MATN2: variants seen among roughly 807,000 people sequenced by gnomAD.
MATN2 encodes the protein matrilin 2.
In MATN2, 69 loss-of-function variants were observed where a neutral mutation model predicts 103.2. That is an observed-to-expected ratio of 0.67 (90% confidence interval 0.55 to 0.82). The LOEUF is 0.82. Ranked by LOEUF, MATN2 falls within the 40% of genes least tolerant of loss-of-function variation. The probability of loss-of-function intolerance (pLI) is 0.00; values close to 1 mark genes in which losing one functional copy is unlikely to be tolerated. For missense variants in MATN2, 1,023 were observed against 1,211.5 expected, an observed-to-expected ratio of 0.84 and a Z score of 2.31; for synonymous variants, 429 against 450.2, an observed-to-expected ratio of 0.95 and a Z score of 0.60.
chr8:97,871,638 A>G (rs908663847), intron 1 of MATN2, among the ~76,000 whole-genome samples: 2 of 152,194 alleles, frequency 1.3e-5, no homozygotes, highest in African/African-American at 4.8e-5. Flanking sequence ...AGCATATGCC[A>G]AGGGGAGAAT....
chr8:97,992,704 C>T (rs1292778649), intron 6 of MATN2, among the ~76,000 whole-genome samples: 1 of 142,822 alleles, frequency 7.0e-6, no homozygotes, highest in Non-Finnish European at 1.5e-5. Flanking sequence ...CAAGATTGCG[C>T]CACTGCACTC....
intron 2 of MATN2, among the ~76,000 whole-genome samples, chr8:97,896,007 T>C (rs1449215640): frequency 6.6e-6 from 1 of 152,190 alleles, no homozygotes; most frequent in Non-Finnish European, 1.5e-5. Context: ...CCCTGCTTGC[T>C]CCTTGACCCA....
At chr8:97,978,170 C>A (rs540619622) in intron 5 of MATN2, among the ~76,000 whole-genome samples, 1 of 152,110 alleles carries the variant, frequency 6.6e-6, no homozygotes, top group Non-Finnish European at 1.5e-5. Context: ...GGACCTGGCC[C>A]GTAGTAGGTA....
rs549033425 is a variant in MATN2 at position 97,955,906 on chromosome 8, C to T, written c.836-5502C>T. Among the ~76,000 whole-genome samples, 4 of 152,356 alleles carry T rather than the reference C, an allele frequency of 2.6e-5. No individual in the cohort carries two copies. The East Asian group carries it at 7.7e-4, about 29-fold the overall frequency. ...CACACAGGTTCCCTAACTGTCATGACAGCTTTTCTGGTGTCCATAGCTGGG... is the reference window on the plus strand; with the variant it reads ...CACACAGGTTCCCTAACTGTCATGATAGCTTTTCTGGTGTCCATAGCTGGG... On this transcript the variant is annotated intron_variant, in intron 4 of 18. Transcript: ENST00000254898.
At chr8:98,029,166 T>C (rs911017779) in intron 14 of MATN2, among the ~76,000 whole-genome samples, 1 of 152,236 alleles carries the variant, frequency 6.6e-6, no homozygotes, top group Non-Finnish European at 1.5e-5. Flanking sequence ...GGTCATTTTA[T>C]TGATACTGCG....
intron 7 of MATN2, 25 bp from the exon 8 acceptor site, chr8:98,003,636 G>C: frequency 6.2e-7 from 1 of 1,613,242 alleles, no homozygotes; most frequent in South Asian, 1.1e-5. Context: ...GAGTCTGAAG[G>C]AAGGTCTGCC....
At chr8:97,961,085 A>G (rs62523560) in intron 4 of MATN2, among the ~76,000 whole-genome samples, 34,540 of 152,026 alleles carry the variant, frequency 0.23, 4,771 homozygotes, top group African/African-American at 0.38. Context: ...ATAGTGCTGG[A>G]ATTACAGGCG....
At position 97,925,535 on chromosome 8, in the gene MATN2, A is replaced by G. The variant is rs148958501; in HGVS notation, c.143-5418A>G. ...TTTCTAAGGTGTGTGTGAAGAATAA[A>G]CAAGCCAACACCTGTAAACCATTCA... is the stretch of plus-strand genomic sequence containing the variant. On this transcript the variant is annotated intron_variant, in intron 2 of 18. Coordinates refer to ENST00000254898, the MANE Select transcript of MATN2 (RefSeq NM_002380.5). 3.7e-3 allele frequency among the ~76,000 whole-genome samples: 566 copies of G among 152,324 alleles called. 5 individuals are homozygous for G. The highest frequency in any genetic ancestry group is 0.013 in the African/African-American group (531 of 41,560).
intron 14 of MATN2, among the ~76,000 whole-genome samples, chr8:98,029,866 C>T (rs1363037531): frequency 1.3e-5 from 2 of 152,156 alleles, no homozygotes; most frequent in African/African-American, 2.4e-5. Context: ...TTAAAGCAAA[C>T]GCATATCCCT....
intron 6 of MATN2, among the ~76,000 whole-genome samples, chr8:97,991,829 A>G (rs1273047819): frequency 6.6e-6 from 1 of 152,144 alleles, no homozygotes; most frequent in East Asian, 1.9e-4. Context: ...TTCACAAAGC[A>G]TTGGGATTAC....
rs1315039084 is a variant in MATN2, at chr8:97,961,246, TTA to T, written c.836-160_836-159del. Among the ~76,000 whole-genome samples, 7 of 152,344 alleles carry T rather than the reference TTA, an allele frequency of 4.6e-5. 1 individual carries two copies. Among genetic ancestry groups the T allele is most frequent in the Admixed American group, 4.6e-4 (7 of 15,304 alleles). On this transcript the variant is annotated intron_variant, in intron 4 of 18. Coordinates refer to ENST00000254898, the MANE Select transcript of MATN2 (RefSeq NM_002380.5). ...GGTGAATTTTCTTTTATCTATTTTTTTATGTTTTCCAAATTTTCTACTATGAT... is the reference window on the plus strand; with the variant it reads ...GGTGAATTTTCTTTTATCTATTTTTTTGTTTTCCAAATTTTCTACTATGAT...
At chr8:97,908,526 T>A (rs1018334590) in intron 2 of MATN2, among the ~76,000 whole-genome samples, 1 of 152,248 alleles carries the variant, frequency 6.6e-6, no homozygotes, top group Non-Finnish European at 1.5e-5. Flanking sequence ...GTATACTGAA[T>A]GAATGAGTGA....
intron 5 of MATN2, among the ~76,000 whole-genome samples, chr8:97,975,322 A>G (rs1349345788): frequency 6.6e-6 from 1 of 152,200 alleles, no homozygotes; most frequent in Non-Finnish European, 1.5e-5. Context: ...TGGATACTCT[A>G]TTCTATAACA....
chr8:98,019,740 G>C (rs1813515323), intron 12 of MATN2, among the ~76,000 whole-genome samples: 1 of 152,198 alleles, frequency 6.6e-6, no homozygotes, highest in Non-Finnish European at 1.5e-5. Context: ...TTGGGGGGAG[G>C]GGTGGTTGAC....
chr8:97,937,115 T>C (rs1247187095), intron 3 of MATN2, among the ~76,000 whole-genome samples: 1 of 152,182 alleles, frequency 6.6e-6, no homozygotes, highest in African/African-American at 2.4e-5. Flanking sequence ...TTGAGCCTCC[T>C]TTTATTCAGT....
chr8:97,891,124 A>C (rs544067427), intron 2 of MATN2, among the ~76,000 whole-genome samples: 2 of 152,142 alleles, frequency 1.3e-5, no homozygotes, highest in Non-Finnish European at 2.9e-5. Flanking sequence ...GTAGTGTTTA[A>C]GATGAATAGA....
intron 7 of MATN2, among the ~76,000 whole-genome samples, chr8:98,000,056 T>C (rs1415878306): frequency 1.3e-5 from 2 of 151,470 alleles, no homozygotes; most frequent in African/African-American, 4.9e-5. Context: ...GATTTTTGTA[T>C]TGTTAGTAGA....
intron 16 of MATN2, 31 bp downstream of exon 16, chr8:98,032,348 T>C: frequency 6.4e-7 from 1 of 1,565,698 alleles, no homozygotes; most frequent in Middle Eastern, 1.7e-4. Context: ...TTTTTAGAAA[T>C]TTTGGTGGAG....
At chr8:97,957,960 C>T (rs1563691188) in intron 4 of MATN2, among the ~76,000 whole-genome samples, 2 of 152,194 alleles carry the variant, frequency 1.3e-5, no homozygotes, top group African/African-American at 4.8e-5. Context: ...TACTCACAGA[C>T]TCTTCTGCGG....
Sources: gnomAD v4.1 joint callset for allele counts (sites outside exome capture counted in the v4.1 genomes callset) on GRCh38, gnomAD v4.1.1 for gene constraint, MANE v1.5 for transcripts, NCBI Gene and HGNC (gene_info 2026-07-23, HGNC 2026-07-21) for gene names.